The following EVL variants were observed in gnomAD, a reference collection of about 807,000 sequenced individuals.
EVL encodes the protein ena/VASP-like protein.
In EVL, 21 loss-of-function variants were observed where a neutral mutation model predicts 59.6. That is an observed-to-expected ratio of 0.35 (90% CI 0.25 to 0.51). EVL has a LOEUF of 0.51. EVL is among the 20% of genes least tolerant of loss of function. EVL has a pLI of 0.97. For synonymous variants in EVL, 198 were observed against 203.5 expected (o/e 0.97, Z 0.23); for missense variants, 462 against 546.6 (o/e 0.85, Z 1.54).
chr14:100,042,240 TC>T (rs1265113787), intron 1 of EVL, among the ~76,000 whole-genome samples: 36 of 152,312 alleles, frequency 2.4e-4, no homozygotes, highest in African/African-American at 8.7e-4. Context: ...TTTCAAGTGC[TC>T]GGTAGTCACA....
At chr14:100,088,048 T>A (rs1050128756) in intron 2 of EVL, among the ~76,000 whole-genome samples, 1 of 152,164 alleles carries the variant, frequency 6.6e-6, no homozygotes, top group Non-Finnish European at 1.5e-5. Context: ...AGAACAGACC[T>A]AGGAATATTG....
intron 11 of EVL, 121 bp downstream of exon 11, chr14:100,137,923 A>C: frequency 9.9e-7 from 1 of 1,013,176 alleles, no homozygotes; most frequent in Non-Finnish European, 1.5e-6. Flanking sequence ...TTGCTCTGCG[A>C]AGGTGGTCTG....
At chr14:99,991,693 G>A (rs118049321) in intron 1 of EVL, among the ~76,000 whole-genome samples, 3,269 of 152,194 alleles carry the variant, frequency 0.021, 61 homozygotes, top group Admixed American at 0.054. Flanking sequence ...AAGTTATCTC[G>A]GGGTAAACGC....
intron 1 of EVL, among the ~76,000 whole-genome samples, chr14:100,005,994 C>A: frequency 8.2e-6 from 1 of 121,502 alleles, no homozygotes; most frequent in East Asian, 2.7e-4. Context: ...TTTTTTTCCC[C>A]TTTTGCTGGC....
At chr14:100,142,847 A>G (rs1257874980) in intron 13 of EVL, among the ~76,000 whole-genome samples, 1 of 152,230 alleles carries the variant, frequency 6.6e-6, no homozygotes, top group Non-Finnish European at 1.5e-5. Flanking sequence ...GGCCCCAGGC[A>G]TAGCTGGGTC....
intron 3 of EVL, chr14:100,106,897 G>GGAAGA (rs1458922130): frequency 5.0e-6 from 2 of 398,576 alleles, no homozygotes; most frequent in Non-Finnish European, 8.8e-6. Context: ...GACCCAGTCA[G>GGAAGA]GAAGAGAAGC....
intron 1 of EVL, among the ~76,000 whole-genome samples, chr14:100,072,094 A>T (rs1342628899): frequency 6.6e-6 from 1 of 152,186 alleles, no homozygotes; most frequent in Non-Finnish European, 1.5e-5. Flanking sequence ...CATCTTTATC[A>T]ATGAAAAATT....
chr14:99,989,507 A>G (rs535875894), intron 1 of EVL, among the ~76,000 whole-genome samples: 1 of 152,330 alleles, frequency 6.6e-6, no homozygotes, highest in East Asian at 1.9e-4. Flanking sequence ...ACTCCTAGAG[A>G]GTATGCAAAG....
intron 2 of EVL, among the ~76,000 whole-genome samples, chr14:100,092,950 G>A (rs2140313378): frequency 6.6e-6 from 1 of 152,298 alleles, no homozygotes; most frequent in African/African-American, 2.4e-5. Context: ...TGAGTGTTGG[G>A]TGATGGGTAC....
At chr14:100,033,385 T>A (rs1347530849) in intron 1 of EVL, among the ~76,000 whole-genome samples, 1 of 152,194 alleles carries the variant, frequency 6.6e-6, no homozygotes, top group African/African-American at 2.4e-5. Context: ...GGCAGGTGGT[T>A]ACATTATTAT....
At chr14:100,112,012 A>G (rs1887026218) in intron 3 of EVL, among the ~76,000 whole-genome samples, 1 of 152,220 alleles carries the variant, frequency 6.6e-6, no homozygotes, top group African/African-American at 2.4e-5. Flanking sequence ...CCATCTTTCT[A>G]GCCACATACC....
chr14:100,003,503 G>A (rs1192488591), intron 1 of EVL, among the ~76,000 whole-genome samples: 1 of 152,080 alleles, frequency 6.6e-6, no homozygotes, highest in East Asian at 1.9e-4. Flanking sequence ...TGCAACCTCT[G>A]CTTCCTGGGT....
In EVL at chr14:100,127,991, G is replaced by A. The variant is rs528438457; in HGVS notation, c.488-528G>A. 3.9e-5 allele frequency among the ~76,000 whole-genome samples: 6 copies of A among 152,308 alleles called. No individual in the cohort carries two copies. Among genetic ancestry groups the A allele is most frequent in the African/African-American group, 1.4e-4 (6 of 41,562 alleles). On this transcript the variant is annotated intron_variant, in intron 5 of 13. Transcript: ENST00000392920. The surrounding 1 kb of genome is among the most constrained non-coding windows in gnomAD (Gnocchi z 4.2). ...CAAAACAGGCTTAGGCAGCACTGGC[G>A]GAAGGGGCTGGATGGATGATGCTGG...
chr14:100,085,501 C>G (rs1031397264), intron 2 of EVL, among the ~76,000 whole-genome samples: 5 of 152,132 alleles, frequency 3.3e-5, no homozygotes, highest in Admixed American at 1.3e-4. Flanking sequence ...TTGGTTAGTT[C>G]GGTGCTCTCC....
intron 1 of EVL, among the ~76,000 whole-genome samples, chr14:100,033,359 A>C (rs574947092): frequency 1.3e-5 from 2 of 152,350 alleles, no homozygotes; most frequent in African/African-American, 4.8e-5. Flanking sequence ...AACACCAGTC[A>C]AAAGCAGATT....
chr14:99,995,154 G>C (rs2060905111), intron 1 of EVL, among the ~76,000 whole-genome samples: 1 of 152,116 alleles, frequency 6.6e-6, no homozygotes, highest in Non-Finnish European at 1.5e-5. Flanking sequence ...TCTATTTGGA[G>C]TTTTTTTAAC....
At chr14:100,035,420 A>G (rs1349669461) in intron 1 of EVL, among the ~76,000 whole-genome samples, 2 of 149,492 alleles carry the variant, frequency 1.3e-5, no homozygotes, top group Non-Finnish European at 3.0e-5. Flanking sequence ...AGGAATTTCT[A>G]ATGTACCACC....
chr14:100,065,668 C>T (rs1324956306), intron 1 of EVL, among the ~76,000 whole-genome samples, 157 bp downstream of exon 1: 2 of 152,194 alleles, frequency 1.3e-5, no homozygotes, highest in South Asian at 4.1e-4. Flanking sequence ...GGTTACACAG[C>T]AGGTTAGTGA....
At chr14:100,019,812 T>C (rs905716297) in intron 1 of EVL, 1 of 953,446 alleles carries the variant, frequency 1.0e-6, no homozygotes, top group Admixed American at 2.6e-5. Flanking sequence ...TTTCAGCTTG[T>C]GGTGGGGTTT....
Sources: gnomAD v4.1 joint callset for allele counts (sites outside exome capture counted in the v4.1 genomes callset) on GRCh38, gnomAD v4.1.1 for gene constraint, Gnocchi (gnomAD v3.1) non-coding constraint, MANE v1.5 for transcripts, NCBI Gene and HGNC (gene_info 2026-07-23, HGNC 2026-07-21) for gene names.